ORC3: variants seen among roughly 807,000 people sequenced by gnomAD.
ORC3 encodes origin recognition complex subunit 3.
In ORC3, 78 loss-of-function variants were observed where a neutral mutation model predicts 100.7. The observed-to-expected ratio is 0.77, with a 90% CI of 0.65 to 0.94. The LOEUF is 0.94. ORC3 is among the 40% of genes least tolerant of loss of function. The pLI, the probability that ORC3 is intolerant of heterozygous loss-of-function variation, is 0.00. For synonymous variants in ORC3, 295 were observed against 289.3 expected (o/e 1.02, Z -0.20); for missense variants, 789 against 823.9 (o/e 0.96, Z 0.52).
chr6:87,592,730 A>G (rs1261088659), intron 1 of ORC3, among the ~76,000 whole-genome samples: 1 of 152,230 alleles, frequency 6.6e-6, no homozygotes, highest in Non-Finnish European at 1.5e-5. Flanking sequence ...CACTATCCTG[A>G]GACAACTTTT....
At chr6:87,594,691 C>A in intron 2 of ORC3, 1 of 438,822 alleles carries the variant, frequency 2.3e-6, no homozygotes, top group Non-Finnish European at 3.2e-6. Context: ...TACTTCTCTG[C>A]CATTGTTTTT....
At chr6:87,623,503 C>T (rs1489158682) in intron 11 of ORC3, among the ~76,000 whole-genome samples, 1 of 152,204 alleles carries the variant, frequency 6.6e-6, no homozygotes, top group Non-Finnish European at 1.5e-5. Context: ...AGAGTTATTT[C>T]AGAAGCCAGG....
chr6:87,636,031 G>A (rs1026922120), intron 12 of ORC3, among the ~76,000 whole-genome samples: 25 of 148,332 alleles, frequency 1.7e-4, no homozygotes, highest in African/African-American at 5.7e-4. Flanking sequence ...TGCAAGCTCC[G>A]CCTCCCAGGT....
chr6:87,675,240 C>G, the ORC3 span: 1 of 272,216 alleles, frequency 3.7e-6, no homozygotes, highest in East Asian at 7.1e-5. Context: ...TAAAATCACA[C>G]TAACTTCATC....
chr6:87,646,588 C>T (rs1252063611), intron 13 of ORC3, among the ~76,000 whole-genome samples: 1 of 152,180 alleles, frequency 6.6e-6, no homozygotes, highest in Non-Finnish European at 1.5e-5. Flanking sequence ...TCAAAGTCAC[C>T]AGTGACCTCC....
intron 16 of ORC3, among the ~76,000 whole-genome samples, 182 bp downstream of exon 16, chr6:87,658,200 G>A (rs28381524): frequency 0.012 from 1,851 of 152,296 alleles, 38 homozygotes; most frequent in African/African-American, 0.042. Flanking sequence ...GCTCACGCCT[G>A]TAATCCCAGC....
intron 8 of ORC3, among the ~76,000 whole-genome samples, chr6:87,614,767 T>C (rs1055201407): frequency 5.9e-5 from 9 of 152,182 alleles, no homozygotes; most frequent in African/African-American, 2.2e-4. Context: ...CCAACAAGTT[T>C]GTCATCTCCA....
chr6:87,622,890 C>G (rs186881995), intron 11 of ORC3, among the ~76,000 whole-genome samples: 121 of 152,192 alleles, frequency 8.0e-4, no homozygotes, highest in African/African-American at 2.6e-3. Flanking sequence ...AAGAACATGC[C>G]TCTTACTGAT....
chr6:87,674,220 T>C, the ORC3 span, among the ~76,000 whole-genome samples: 2 of 145,458 alleles, frequency 1.4e-5, no homozygotes, highest in East Asian at 4.0e-4. Context: ...GAGAATCGCT[T>C]GAACCTGGGA....
At chr6:87,638,767 AAC>A (rs1219221968) in intron 13 of ORC3, among the ~76,000 whole-genome samples, 1 of 152,212 alleles carries the variant, frequency 6.6e-6, no homozygotes, top group Non-Finnish European at 1.5e-5. Context: ...GCTGTTGTTT[AAC>A]ACTGATATGG....
In ORC3 at chr6:87,636,497, T is replaced by C. The variant is rs781238530; in HGVS notation, c.1382+11T>C. The C allele has an allele frequency of 5.8e-6, 9 of 1,565,092 alleles. No homozygotes were observed. In the South Asian group the frequency reaches 1.0e-4, roughly 17 times the overall value. On this transcript the variant is annotated intron_variant, in intron 13 of 19. Coordinates refer to ENST00000392844, the MANE Select transcript of ORC3 (RefSeq NM_012381.4). The stretch of plus-strand genomic sequence containing the variant: ...CTTGCAGCTGCTGAGGTAGTTTTGT[T>C]TTTTCTTGTTTTTCTATTTTTGTCT...
chr6:87,668,412 G>C (rs148169981), downstream of ORC3, among the ~76,000 whole-genome samples: 4 of 152,250 alleles, frequency 2.6e-5, no homozygotes, highest in East Asian at 7.7e-4. Context: ...TACTTAACAA[G>C]TTCAGTTCAG....
chr6:87,622,245 C>T (rs1562344504), intron 11 of ORC3, among the ~76,000 whole-genome samples: 1 of 151,978 alleles, frequency 6.6e-6, no homozygotes, highest in Non-Finnish European at 1.5e-5. Flanking sequence ...CACCAAGTTT[C>T]TCTTGTGGCC....
intron 13 of ORC3, among the ~76,000 whole-genome samples, chr6:87,641,262 C>A (rs923313084): frequency 4.6e-5 from 7 of 152,182 alleles, no homozygotes; most frequent in African/African-American, 1.4e-4. Context: ...TGTGCTCTAC[C>A]TCATCAATTG....
At chr6:87,640,164 A>G (rs1288252047) in intron 13 of ORC3, among the ~76,000 whole-genome samples, 1 of 152,222 alleles carries the variant, frequency 6.6e-6, no homozygotes, top group East Asian at 1.9e-4. Context: ...TGTATTTCAC[A>G]GAAAACAAAA....
At chr6:87,661,898 T>C (rs1770208555) in intron 16 of ORC3, among the ~76,000 whole-genome samples, 1 of 152,168 alleles carries the variant, frequency 6.6e-6, no homozygotes, top group Non-Finnish European at 1.5e-5. Context: ...ATCACTGTCA[T>C]GGCACAGACC....
chr6:87,627,067 G>A (rs937209247), intron 11 of ORC3, among the ~76,000 whole-genome samples: 6 of 150,420 alleles, frequency 4.0e-5, no homozygotes, highest in African/African-American at 9.8e-5. Flanking sequence ...GCGTTATCTC[G>A]GCTCACTGCA....
At chr6:87,604,338 G>A (rs1046031819) in intron 4 of ORC3, among the ~76,000 whole-genome samples, 1 of 152,152 alleles carries the variant, frequency 6.6e-6, no homozygotes, top group African/African-American at 2.4e-5. Flanking sequence ...TGGTTAATGG[G>A]TCTAGGGTGG....
chr6:87,667,417 T>C lies in ORC3; in HGVS notation c.*294T>C, dbSNP rs1770723818. 3.9e-6 allele frequency: 1 copy of C among 255,548 alleles called. No homozygotes were observed. The highest frequency in any genetic ancestry group is 7.3e-6 in the Non-Finnish European group (1 of 136,424). The allele number at this position is 255,548 out of a possible 1,614,324, so 15.8% of individuals were successfully genotyped here. ...AAATCATTCTTGAACTTAGAGTATG[T>C]AAATGTAATAAATTCCGTTATCCAG... On this transcript the variant is annotated 3_prime_UTR_variant, in exon 20 of 20. Transcript: ENST00000392844.
Sources: allele counts gnomAD v4.1 joint callset (sites outside exome capture counted in the v4.1 genomes callset), GRCh38; gene constraint gnomAD v4.1.1; transcripts MANE v1.5; gene names NCBI Gene and HGNC (gene_info 2026-07-23, HGNC 2026-07-21).